Variants in R3HDM4 observed in about 807,000 individuals in gnomAD.
The protein encoded by R3HDM4 is R3H domain containing 4, also known as R3H domain-containing protein 4.
R3HDM4 carries 30 observed loss-of-function variants against 31.3 expected under a neutral mutation model. That is an observed-to-expected ratio of 0.96 (90% CI 0.72 to 1.30). R3HDM4 has a LOEUF of 1.30. Ranked by LOEUF, R3HDM4 falls within the 50% of genes most tolerant of loss-of-function variation. The pLI is 0.00. For synonymous variants in R3HDM4, 196 were observed against 156.6 expected (o/e 1.25, Z -1.88); for missense variants, 444 against 366.1 (o/e 1.21, Z -1.74).
In R3HDM4 at chr19:899,362, A is replaced by T; in HGVS notation, c.703+78T>A. On this transcript the variant is annotated intron_variant, in intron 7 of 7. Coordinates refer to ENST00000361574, the MANE Select transcript of R3HDM4 (RefSeq NM_138774.4). This position sits in a 1 kb window ranked among gnomAD's most constrained non-coding sequence, Gnocchi z 6.8. ...CTCCCCACCAAGCCCCACTCTGAGG[A>T]ACCAGGCCCCTGGGACCCTGGCCAC... The T allele has an allele frequency of 1.4e-6, 2 of 1,406,524 alleles. No homozygotes were observed. Among genetic ancestry groups the T allele is most frequent in the Non-Finnish European group, 2.0e-6 (2 of 998,372 alleles). The allele number at this position is 1,406,524 out of a possible 1,614,324, so 87.1% of individuals were successfully genotyped here.
intron 1 of R3HDM4, among the ~76,000 whole-genome samples, chr19:906,393 G>A (rs2145297971): frequency 6.6e-6 from 1 of 151,622 alleles, no homozygotes; most frequent in African/African-American, 2.4e-5. Flanking sequence ...CTAATTTTTT[G>A]TATTTTTAGT....
intron 1 of R3HDM4, among the ~76,000 whole-genome samples, chr19:906,402 G>A (rs2145297975): frequency 6.6e-6 from 1 of 152,094 alleles, no homozygotes; most frequent in East Asian, 1.9e-4. Flanking sequence ...TGTATTTTTA[G>A]TAGAGATGGG....
chr19:910,504 C>T (rs1387317626), intron 1 of R3HDM4, among the ~76,000 whole-genome samples: 4 of 150,978 alleles, frequency 2.6e-5, no homozygotes, highest in Admixed American at 6.6e-5. Context: ...TGGTAGCTCA[C>T]GCCTGTAATC....
intron 1 of R3HDM4, among the ~76,000 whole-genome samples, chr19:905,025 G>A (rs2036884598): frequency 6.6e-6 from 1 of 152,050 alleles, no homozygotes; most frequent in South Asian, 2.1e-4. Context: ...TGGCCAACAT[G>A]GTGAAACCCC....
rs1021059972 is a variant in R3HDM4 at position 901,132 on chromosome 19, G to A, written c.352-180C>T. The A allele has an allele frequency of 1.2e-5, 10 of 815,606 alleles. No individual in the cohort carries two copies. The African/African-American group carries it at 1.4e-4, about 11-fold the overall frequency. The allele number at this position is 815,606 out of a possible 1,614,324, so 50.5% of individuals were successfully genotyped here. On this transcript the variant is annotated intron_variant, in intron 3 of 7. Coordinates refer to ENST00000361574, the MANE Select transcript of R3HDM4 (RefSeq NM_138774.4). ...GCTGAGCGCAGGGAAGCGGGGAACC[G>A]GGGTGGGCCCAGCTGTCTCGGGGTG...
rs928987306 is a variant in R3HDM4, at chr19:913,189, G to C, written c.-32C>G. ...CACGCTGTCGCCGCCGCCGCCGCCCGGCAGGGCCTTCACCGGGCCGGGCAG... is the reference window on the plus strand; with the variant it reads ...CACGCTGTCGCCGCCGCCGCCGCCCCGCAGGGCCTTCACCGGGCCGGGCAG... On this transcript the variant is annotated 5_prime_UTR_variant, in exon 1 of 8. Transcript: ENST00000361574. The surrounding 1 kb of genome is among the most constrained non-coding windows in gnomAD (Gnocchi z 5.0). 9.5e-6 allele frequency: 10 copies of C among 1,057,484 alleles called. No individual in the cohort carries two copies. Among genetic ancestry groups the C allele is most frequent in the African/African-American group, 3.4e-5 (2 of 58,632 alleles). The allele number at this position is 1,057,484 out of a possible 1,614,324, so 65.5% of individuals were successfully genotyped here.
Position 901,410 on chromosome 19 carries a change from TG to T in R3HDM4, c.351+11del, listed in dbSNP as rs35934000. ...CCCCGTGTGGAGGGAGTGAGGGGGT[TG>T]GGGGCCACACCTCCACATAGGTGGC... On this transcript the variant is annotated intron_variant, in intron 3 of 7. Transcript: ENST00000361574. 7.5e-6 allele frequency: 12 copies of T among 1,599,530 alleles called. No individual in the cohort carries two copies. Among genetic ancestry groups the T allele is most frequent in the Non-Finnish European group, 1.0e-5 (12 of 1,177,250 alleles).
At position 897,643 on chromosome 19, in the gene R3HDM4, A is replaced by C. The variant is rs546479506; in HGVS notation, c.704-103T>G. Reference sequence around the variant, plus strand: ...ACCCTCGCTTCTTCCCAGGGAGGTCACCGCCAGCTGGTGTGTGCTGGTCAC... The same window carrying C: ...ACCCTCGCTTCTTCCCAGGGAGGTCCCCGCCAGCTGGTGTGTGCTGGTCAC... On this transcript the variant is annotated intron_variant, in intron 7 of 7. Coordinates refer to ENST00000361574, the MANE Select transcript of R3HDM4 (RefSeq NM_138774.4). 2.5e-5 allele frequency: 22 copies of C among 896,816 alleles called. No individual in the cohort carries two copies. In the African/African-American group the frequency reaches 3.7e-4, roughly 15 times the overall value. The allele number at this position is 896,816 out of a possible 1,614,324, so 55.6% of individuals were successfully genotyped here. A position where few individuals can be genotyped will look rare whatever the true frequency, so the allele number is the denominator to read the frequency against.
At chr19:904,016 G>T (rs375709095) in intron 1 of R3HDM4, among the ~76,000 whole-genome samples, 1 of 151,852 alleles carries the variant, frequency 6.6e-6, no homozygotes, top group Non-Finnish European at 1.5e-5. Flanking sequence ...GTGCCACTGC[G>T]CTCCAGCCTG....
At chr19:901,153 G>A (rs111766511) in intron 3 of R3HDM4, 14 of 710,410 alleles carry the variant, frequency 2.0e-5, no homozygotes, top group African/African-American at 1.3e-4. Flanking sequence ...AGCTGTCTCG[G>A]GGTGGGGGGG....
intron 1 of R3HDM4, among the ~76,000 whole-genome samples, chr19:910,647 C>T (rs2036959976): frequency 6.6e-6 from 1 of 152,106 alleles, no homozygotes; most frequent in Non-Finnish European, 1.5e-5. Flanking sequence ...ATCCTCTGCT[C>T]CAGCCTGGCC....
intron 7 of R3HDM4, among the ~76,000 whole-genome samples, chr19:898,637 C>T (rs2036777404): frequency 1.3e-5 from 2 of 151,608 alleles, no homozygotes; most frequent in African/African-American, 4.8e-5. Context: ...AAAAAAAGAG[C>T]CACGTCCCAT....
chr19:913,046 C>CA lies in R3HDM4; in HGVS notation c.71+40_71+41insT, dbSNP rs2037001227. 4.8e-6 allele frequency: 4 copies of CA among 831,300 alleles called. No individual in the cohort carries two copies. The highest frequency in any genetic ancestry group is 3.7e-5 in the African/African-American group (2 of 53,956). The allele number at this position is 831,300 out of a possible 1,614,324, so 51.5% of individuals were successfully genotyped here. A position where few individuals can be genotyped will look rare whatever the true frequency, so the allele number is the denominator to read the frequency against. ...AGGATCTCAGGGGAGGGAGCCCAGC[C>CA]CGCCCCCGGCGCCCGCCGCGCCCCG... On this transcript the variant is annotated intron_variant, in intron 1 of 7. Transcript: ENST00000361574. This position sits in a 1 kb window ranked among gnomAD's most constrained non-coding sequence, Gnocchi z 5.0.
chr19:907,803 G>T lies in R3HDM4; in HGVS notation c.71+5284C>A, dbSNP rs1185335354. 6.6e-6 allele frequency among the ~76,000 whole-genome samples: 1 copy of T among 152,174 alleles called. No homozygotes were observed. The highest frequency in any genetic ancestry group is 2.4e-5 in the African/African-American group (1 of 41,442). On this transcript the variant is annotated intron_variant, in intron 1 of 7. Transcript: ENST00000361574. This position sits in a 1 kb window ranked among gnomAD's most constrained non-coding sequence, Gnocchi z 4.1. ...CGAGGGCTTTCGCCTGTTTTGTTTG[G>T]TATCTGAGGGCTCGCCACCCTCCCC...
chr19:911,875 C>A (rs913057862), intron 1 of R3HDM4, among the ~76,000 whole-genome samples: 32 of 151,894 alleles, frequency 2.1e-4, no homozygotes, highest in Non-Finnish European at 4.1e-4. Flanking sequence ...CAAAGGAGAG[C>A]AAGGAGCCGG....
In R3HDM4 at chr19:911,768, A is replaced by AC. The variant is rs550912335; in HGVS notation, c.71+1318dup. On this transcript the variant is annotated intron_variant, in intron 1 of 7. Transcript: ENST00000361574. ...TGCGGGCCGGGGTGACACACGGCTG[A>AC]CCCCCGCACAGACCGCCCCGCTTCC... Among the ~76,000 whole-genome samples the AC allele has an allele frequency of 4.3e-4, 65 of 151,898 alleles. No individual in the cohort carries two copies. The East Asian group carries it at 0.012, about 28-fold the overall frequency.
At chr19:903,383 G>A (rs1276654070) in intron 1 of R3HDM4, among the ~76,000 whole-genome samples, 3 of 152,154 alleles carry the variant, frequency 2.0e-5, no homozygotes, top group Admixed American at 1.3e-4. Flanking sequence ...GCCTCCCACC[G>A]AGAATCCAAG....
In R3HDM4 at chr19:907,277, C is replaced by T. The variant is rs1469817903; in HGVS notation, c.72-5147G>A. ...ATACAGGGTCATGTTAAGCCAGCGT[C>T]TCTGAAGCTGGATCAGCCTGAAGCT... is the stretch of plus-strand genomic sequence containing the variant. On this transcript the variant is annotated intron_variant, in intron 1 of 7. Transcript: ENST00000361574. The surrounding 1 kb of genome is among the most constrained non-coding windows in gnomAD (Gnocchi z 4.1). Among the ~76,000 whole-genome samples the T allele has an allele frequency of 6.6e-6, 1 of 152,200 alleles. No homozygotes were observed. The highest frequency in any genetic ancestry group is 6.5e-5 in the Admixed American group (1 of 15,286).
intron 1 of R3HDM4, among the ~76,000 whole-genome samples, chr19:905,518 AAAAAC>A (rs1555721702): frequency 6.7e-4 from 100 of 148,170 alleles, no homozygotes; most frequent in Middle Eastern, 3.5e-3. Context: ...AAAAAAAAAA[AAAAAC>A]AAAACAAAAC....
Sources: allele counts gnomAD v4.1 joint callset (sites outside exome capture counted in the v4.1 genomes callset), GRCh38; gene constraint gnomAD v4.1.1; non-coding constraint Gnocchi (gnomAD v3.1); transcripts MANE v1.5; gene names NCBI Gene and HGNC (gene_info 2026-07-23, HGNC 2026-07-21).